The following ADAMTS20 variants were observed in gnomAD, a reference collection of about 807,000 sequenced individuals.
ADAMTS20 encodes the protein ADAM metallopeptidase with thrombospondin type 1 motif 20, also known as A disintegrin and metalloproteinase with thrombospondin motifs 20.
A neutral mutation model predicts 260.1 loss-of-function variants in ADAMTS20; 225 were observed. The ratio of observed to expected loss-of-function variants is 0.87; its 90% confidence interval spans 0.78 to 0.97. The LOEUF (loss-of-function observed/expected upper bound fraction) is 0.97, where lower values mean the gene tolerates loss of function less well. ADAMTS20 is among the 50% of genes least tolerant of loss of function. The probability of loss-of-function intolerance (pLI) is 0.00; values close to 1 mark genes in which losing one functional copy is unlikely to be tolerated. For synonymous variants in ADAMTS20, 802 were observed against 769.5 expected, an observed-to-expected ratio of 1.04 and a Z score of -0.70; for missense variants, 2,400 against 2,337.7, an observed-to-expected ratio of 1.03 and a Z score of -0.55.
intron 3 of ADAMTS20, among the ~76,000 whole-genome samples, chr12:43,522,780 T>G (rs1429387052): frequency 6.6e-6 from 1 of 152,210 alleles, no homozygotes; most frequent in Non-Finnish European, 1.5e-5. Context: ...CTTTACCATT[T>G]CCACAGGATT....
Position 43,398,646 on chromosome 12 carries a change from C to T in ADAMTS20, c.4452+420G>A, listed in dbSNP as rs12306994. On this transcript the variant is annotated intron_variant, in intron 29 of 38. Transcript: ENST00000389420. ...TTTTTCTGTTAGCCTGCATAGAATA[C>T]TATTATGATTATCAGTAGCCTCTGC... 2.0e-5 allele frequency among the ~76,000 whole-genome samples: 3 copies of T among 152,062 alleles called. No individual in the cohort carries two copies. In the East Asian group the frequency reaches 5.8e-4, roughly 29 times the overall value.
intron 10 of ADAMTS20, among the ~76,000 whole-genome samples, chr12:43,464,309 T>A (rs1191027704): frequency 6.6e-6 from 1 of 152,110 alleles, no homozygotes; most frequent in Non-Finnish European, 1.5e-5. Flanking sequence ...TTTCAATGAT[T>A]TTATTTTCAA....
chr12:43,354,422 A>G (rs1349391743), intron 38 of ADAMTS20, 124 bp from the exon 39 acceptor site: 2 of 658,352 alleles, frequency 3.0e-6, no homozygotes, highest in Admixed American at 2.8e-5. Context: ...TCCTATAACA[A>G]TTGCATTTGA....
chr12:43,462,949 G>T lies in ADAMTS20; in HGVS notation c.1560C>A (p.Gly520=). The change falls in exon 11 of 39, where the codon GGC becomes GGA. Residue 520 remains glycine (G), a synonymous_variant. Coordinates refer to ENST00000389420, the MANE Select transcript of ADAMTS20 (RefSeq NM_025003.5). The part of the protein sequence containing the change: ...WCTSTEKLHK[G]CFTQHVPPAD... Reference sequence around the variant, plus strand: ...CTGGTGGCACGTGTTGAGTGAAACAGCCTTTGTGAAGCTTTTCTGTGCTTG... The same window carrying T: ...CTGGTGGCACGTGTTGAGTGAAACATCCTTTGTGAAGCTTTTCTGTGCTTG... 6.2e-7 allele frequency: 1 copy of T among 1,609,786 alleles called. No homozygotes were observed. Among genetic ancestry groups the T allele is most frequent in the Non-Finnish European group, 8.5e-7 (1 of 1,177,906 alleles).
chr12:43,416,912 C>T (rs1941143559), intron 28 of ADAMTS20, among the ~76,000 whole-genome samples: 1 of 152,130 alleles, frequency 6.6e-6, no homozygotes, highest in Admixed American at 6.5e-5. Context: ...CCTATCTACC[C>T]ATCAATCCTT....
At chr12:43,485,223 A>C (rs1025983506) in intron 7 of ADAMTS20, among the ~76,000 whole-genome samples, 1 of 152,066 alleles carries the variant, frequency 6.6e-6, no homozygotes, top group Non-Finnish European at 1.5e-5. Flanking sequence ...AACATAATTC[A>C]CCATGATCAA....
In ADAMTS20 at chr12:43,376,527, C is replaced by G. The variant is rs762377998; in HGVS notation, c.5122G>C (p.Asp1708His). The G allele has an allele frequency of 6.2e-7, 1 of 1,611,356 alleles. No homozygotes were observed. The highest frequency in any genetic ancestry group is 8.5e-7 in the Non-Finnish European group (1 of 1,179,204). Residue 1708 changes from aspartate (D) to histidine (H), a missense_variant, in exon 33 of 39, where the codon GAC (aspartate) becomes CAC (histidine). By Grantham distance (81) the Asp-to-His change is moderately conservative. Coordinates refer to ENST00000389420, the MANE Select transcript of ADAMTS20 (RefSeq NM_025003.5). ...ATTTTTGAAGTCTACTACTTACAGT[C>G]ATTGGCATAACATTTCTTTTGAGCA... ...PGAQKKCYAN[D>H]CKSFTTCKEI...
intron 37 of ADAMTS20, among the ~76,000 whole-genome samples, chr12:43,358,091 A>G (rs1210737111): frequency 6.6e-6 from 1 of 152,246 alleles, no homozygotes; most frequent in Non-Finnish European, 1.5e-5. Context: ...AATTTCTTGT[A>G]ACCAGATGCT....
intron 15 of ADAMTS20, among the ~76,000 whole-genome samples, chr12:43,446,032 G>A (rs1470696242): frequency 6.6e-6 from 1 of 152,082 alleles, no homozygotes; most frequent in East Asian, 1.9e-4. Flanking sequence ...GCCAATATGT[G>A]ATCCAGATAC....
At chr12:43,508,607 TTTATTA>T (rs138155766) in intron 3 of ADAMTS20, among the ~76,000 whole-genome samples, 30,039 of 151,822 alleles carry the variant, frequency 0.2, 3,276 homozygotes, top group Middle Eastern at 0.3. Flanking sequence ...TTAAAATTTT[TTTATTA>T]TTAAAAAATA....
chr12:43,366,549 A>T (rs879667691), intron 37 of ADAMTS20, among the ~76,000 whole-genome samples: 14 of 151,894 alleles, frequency 9.2e-5, no homozygotes, highest in Non-Finnish European at 2.1e-4. Flanking sequence ...TCCAGGACAA[A>T]CTATATGTTA....
intron 6 of ADAMTS20, 21 bp downstream of exon 6, chr12:43,492,484 G>A (rs1942617345): frequency 6.2e-7 from 1 of 1,611,994 alleles, no homozygotes; most frequent in Admixed American, 1.7e-5. Flanking sequence ...TGTATGGGAA[G>A]GGTTATTTCT....
intron 21 of ADAMTS20, 21 bp from the exon 22 acceptor site, chr12:43,431,517 A>T (rs939558256): frequency 1.2e-5 from 19 of 1,613,198 alleles, no homozygotes; most frequent in Admixed American, 5.0e-5. Context: ...AAAACTGATC[A>T]TTATTTATTT....
At chr12:43,410,103 G>GT (rs1017991976) in intron 28 of ADAMTS20, among the ~76,000 whole-genome samples, 27 of 151,782 alleles carry the variant, frequency 1.8e-4, no homozygotes, top group African/African-American at 5.8e-4. Context: ...TGCACCTCTC[G>GT]TTTTTTTTCA....
At chr12:43,440,204 C>T (rs894235716) in intron 16 of ADAMTS20, 135 bp from the exon 17 acceptor site, 32 of 655,202 alleles carry the variant, frequency 4.9e-5, no homozygotes, top group Non-Finnish European at 7.9e-5. Context: ...AGTACAGTGG[C>T]ACAATATTGG....
intron 18 of ADAMTS20, among the ~76,000 whole-genome samples, chr12:43,436,027 A>G (rs1467160157): frequency 2.0e-5 from 3 of 152,218 alleles, no homozygotes; most frequent in Non-Finnish European, 4.4e-5. Context: ...TCCTTTCTCA[A>G]TATCTTTTGA....
rs755532660 is a variant in ADAMTS20 at position 43,466,770 on chromosome 12, G to T, written c.1249C>A (p.Pro417Thr). The T allele has an allele frequency of 4.4e-6, 7 of 1,602,708 alleles. No individual in the cohort carries two copies. In the Admixed American group the frequency reaches 1.2e-4, roughly 27 times the overall value. Reference sequence around the variant, plus strand: ...GTAACTTTCATTTCTTTACATCTAGGATTATCATCATGTTGAACACCAAGT... The same window carrying T: ...GTAACTTTCATTTCTTTACATCTAGTATTATCATCATGTTGAACACCAAGT... The part of the protein sequence containing the change: ...HTLGVQHDDN[P>T]RCKEMKVTKY... The change falls in exon 9 of 39, where the codon CCT becomes ACT. Residue 417 changes from proline (P) to threonine (T), a missense_variant. Physicochemically the swap from Pro to Thr is conservative, Grantham distance 38. Transcript: ENST00000389420.
chr12:43,520,671 A>G (rs551903792), intron 3 of ADAMTS20, among the ~76,000 whole-genome samples: 1 of 152,328 alleles, frequency 6.6e-6, no homozygotes, highest in South Asian at 2.1e-4. Flanking sequence ...GAATATCTCT[A>G]TAGTCATCTC....
chr12:43,433,537 A>G (rs1182633846), intron 19 of ADAMTS20, among the ~76,000 whole-genome samples: 1 of 152,134 alleles, frequency 6.6e-6, no homozygotes, highest in Admixed American at 6.5e-5. Flanking sequence ...AACCAACATC[A>G]TAAATATATA....
Sources: gnomAD v4.1 joint callset for allele counts (sites outside exome capture counted in the v4.1 genomes callset) on GRCh38, gnomAD v4.1.1 for gene constraint, MANE v1.5 for transcripts, NCBI Gene and HGNC (gene_info 2026-07-23, HGNC 2026-07-21) for gene names.